RALGAPA1: variants seen among roughly 807,000 people sequenced by gnomAD.
RALGAPA1 encodes the protein Ral GTPase activating protein catalytic subunit alpha 1.
RALGAPA1 carries 52 observed loss-of-function variants against 269.6 expected under a neutral mutation model. That is an observed-to-expected ratio of 0.19 (90% CI 0.15 to 0.24). The LOEUF is 0.24. RALGAPA1 is among the 10% of genes least tolerant of loss of function. The pLI, the probability that RALGAPA1 is intolerant of heterozygous loss-of-function variation, is 1.00. For missense variants in RALGAPA1, 1,917 were observed against 3,013.9 expected, an observed-to-expected ratio of 0.64 and a Z score of 8.52; for synonymous variants, 817 against 1,008.3, an observed-to-expected ratio of 0.81 and a Z score of 3.60.
intron 35 of RALGAPA1, among the ~76,000 whole-genome samples, chr14:35,615,205 C>G (rs1594821767): frequency 6.6e-6 from 1 of 152,158 alleles, no homozygotes; most frequent in African/African-American, 2.4e-5. Context: ...TAGCTCACTA[C>G]TGGAAAACTC....
intron 37 of RALGAPA1, among the ~76,000 whole-genome samples, chr14:35,588,535 C>T (rs1476365156): frequency 6.6e-6 from 1 of 152,054 alleles, no homozygotes; most frequent in African/African-American, 2.4e-5. Flanking sequence ...ATCTAAGATA[C>T]TATTAATTTT....
chr14:35,614,761 T>C (rs968695642), intron 35 of RALGAPA1, among the ~76,000 whole-genome samples: 2 of 152,114 alleles, frequency 1.3e-5, no homozygotes, highest in African/African-American at 4.8e-5. Flanking sequence ...CTATTAAGTG[T>C]AAATTCTAAT....
chr14:35,719,805 T>C (rs1446592690), intron 16 of RALGAPA1, among the ~76,000 whole-genome samples: 2 of 145,544 alleles, frequency 1.4e-5, no homozygotes, highest in African/African-American at 5.4e-5. Context: ...CCTCTGTCGC[T>C]CCAGGCTTGA....
chr14:35,616,583 C>T (rs987262915), intron 35 of RALGAPA1, among the ~76,000 whole-genome samples: 9 of 152,264 alleles, frequency 5.9e-5, no homozygotes, highest in African/African-American at 1.9e-4. Flanking sequence ...CTTTGGACTT[C>T]AGACACTAAT....
At chr14:35,707,514 TG>T (rs1445339060) in intron 16 of RALGAPA1, 1 of 152,198 alleles carries the variant, frequency 6.6e-6, no homozygotes, top group African/African-American at 2.4e-5. Context: ...TTATCCTAAA[TG>T]GGTGTTGGAT....
intron 1 of RALGAPA1, among the ~76,000 whole-genome samples, chr14:35,789,456 G>C (rs1027369632): frequency 2.6e-5 from 4 of 151,980 alleles, no homozygotes; most frequent in Admixed American, 1.3e-4. Flanking sequence ...GTCAGGGGTG[G>C]TGGCACACGC....
intron 39 of RALGAPA1, among the ~76,000 whole-genome samples, chr14:35,553,323 G>A (rs1225088327): frequency 6.6e-6 from 1 of 152,100 alleles, no homozygotes; most frequent in Non-Finnish European, 1.5e-5. Context: ...GTACAGAGAG[G>A]GAATTTTGAC....
intron 32 of RALGAPA1, among the ~76,000 whole-genome samples, 180 bp from the exon 33 acceptor site, chr14:35,634,937 C>G (rs1478439536): frequency 6.6e-6 from 1 of 151,958 alleles, no homozygotes; most frequent in African/African-American, 2.4e-5. Context: ...ACAGGGAGGC[C>G]CAGCCAGGTG....
intron 6 of RALGAPA1, among the ~76,000 whole-genome samples, chr14:35,757,119 A>ATTT (rs201089890): frequency 6.9e-6 from 1 of 144,876 alleles, no homozygotes; most frequent in African/African-American, 2.6e-5. Context: ...TATTATTATT[A>ATTT]TTTTTTTTTT....
intron 10 of RALGAPA1, among the ~76,000 whole-genome samples, chr14:35,743,539 G>A (rs890013650): frequency 1.3e-5 from 2 of 151,942 alleles, no homozygotes; most frequent in Non-Finnish European, 2.9e-5. Flanking sequence ...TTATTTTAGG[G>A]ACAGGGTCTT....
intron 33 of RALGAPA1, among the ~76,000 whole-genome samples, chr14:35,629,282 GGTGTGTGTGTGTGTGT>G (rs33989714): frequency 1.4e-5 from 2 of 145,292 alleles, no homozygotes. Context: ...ATGTTTAGGG[GGTGTGTGTGTGTGTGT>G]GTGTGTGTGT....
intron 35 of RALGAPA1, among the ~76,000 whole-genome samples, chr14:35,606,433 C>T (rs2059602893): frequency 6.6e-6 from 1 of 152,002 alleles, no homozygotes; most frequent in Non-Finnish European, 1.5e-5. Flanking sequence ...AGAAAGGGTG[C>T]AGCAAAAATA....
intron 33 of RALGAPA1, among the ~76,000 whole-genome samples, chr14:35,630,412 C>T (rs535390712): frequency 2.0e-5 from 3 of 152,228 alleles, no homozygotes; most frequent in Admixed American, 6.5e-5. Flanking sequence ...CTCAGCTTCC[C>T]AAATAGCTGG....
chr14:35,672,366 CTATT>C (rs954984718), intron 25 of RALGAPA1, among the ~76,000 whole-genome samples: 3 of 152,032 alleles, frequency 2.0e-5, no homozygotes, highest in Admixed American at 2.0e-4. Context: ...ATATTTATGA[CTATT>C]TAATGATTAT....
intron 7 of RALGAPA1, among the ~76,000 whole-genome samples, chr14:35,755,453 C>T (rs116445077): frequency 0.031 from 4,664 of 152,214 alleles, 233 homozygotes; most frequent in African/African-American, 0.11. Context: ...GATGTATACA[C>T]ATAATAAAAT....
intron 31 of RALGAPA1, among the ~76,000 whole-genome samples, chr14:35,644,723 C>G (rs1163003666): frequency 6.6e-6 from 1 of 151,972 alleles, no homozygotes; most frequent in Non-Finnish European, 1.5e-5. Context: ...GACTGAATCT[C>G]GTGGTGTTGG....
At chr14:35,562,315 G>A (rs1038501792) in intron 39 of RALGAPA1, among the ~76,000 whole-genome samples, 4 of 152,130 alleles carry the variant, frequency 2.6e-5, no homozygotes, top group Non-Finnish European at 5.9e-5. Flanking sequence ...GGAAGTGTGA[G>A]CCTTCAGGGC....
At chr14:35,772,501 C>T (rs1050909854) in intron 3 of RALGAPA1, among the ~76,000 whole-genome samples, 1 of 152,106 alleles carries the variant, frequency 6.6e-6, no homozygotes, top group Admixed American at 6.6e-5. Flanking sequence ...GGATTATTCT[C>T]GATCAAGAGC....
At chr14:35,808,551 G>T (rs1002588642) in intron 1 of RALGAPA1, among the ~76,000 whole-genome samples, 179 bp downstream of exon 1, 5 of 152,186 alleles carry the variant, frequency 3.3e-5, no homozygotes, top group African/African-American at 1.2e-4. Context: ...ACAGTAATCA[G>T]TGCTGCCAAC....
Sources: gnomAD v4.1 joint callset for allele counts (sites outside exome capture counted in the v4.1 genomes callset) on GRCh38, gnomAD v4.1.1 for gene constraint, MANE v1.5 for transcripts, NCBI Gene and HGNC (gene_info 2026-07-23, HGNC 2026-07-21) for gene names.